SORCS3: variants seen among roughly 807,000 people sequenced by gnomAD.
SORCS3 encodes the protein VPS10 domain-containing receptor SorCS3.
SORCS3 carries 57 observed loss-of-function variants against 146.3 expected under a neutral mutation model. That is an observed-to-expected ratio of 0.39 (90% CI 0.31 to 0.49). The LOEUF (loss-of-function observed/expected upper bound fraction) is 0.49, where lower values mean the gene tolerates loss of function less well. SORCS3 is among the 20% of genes least tolerant of loss of function. The pLI is 0.92. For missense variants in SORCS3, 1,341 were observed against 1,575.5 expected, an observed-to-expected ratio of 0.85 and a Z score of 2.52; for synonymous variants, 653 against 618.5, an observed-to-expected ratio of 1.06 and a Z score of -0.83.
chr10:104,730,791 C>G (rs1024188169), intron 1 of SORCS3, among the ~76,000 whole-genome samples: 1 of 152,176 alleles, frequency 6.6e-6, no homozygotes, highest in African/African-American at 2.4e-5. Flanking sequence ...GGGGGAATCC[C>G]CCTATAAAAC....
At chr10:104,930,775 A>G (rs1248080817) in intron 3 of SORCS3, among the ~76,000 whole-genome samples, 1 of 152,198 alleles carries the variant, frequency 6.6e-6, no homozygotes, top group Non-Finnish European at 1.5e-5. Context: ...TCTACCTCTT[A>G]GCAGCTGGGG....
intron 1 of SORCS3, among the ~76,000 whole-genome samples, chr10:104,674,236 T>C (rs530384573): frequency 1.2e-4 from 19 of 152,368 alleles, no homozygotes; most frequent in African/African-American, 4.6e-4. Context: ...GGCCACTATA[T>C]GCAGCTCTAA....
At chr10:104,725,687 C>T (rs1033721388) in intron 1 of SORCS3, among the ~76,000 whole-genome samples, 2 of 152,232 alleles carry the variant, frequency 1.3e-5, no homozygotes, top group African/African-American at 4.8e-5. Context: ...GGGTGACCCT[C>T]CCCCAGCCTC....
intron 5 of SORCS3, among the ~76,000 whole-genome samples, chr10:105,063,749 C>T (rs1176125631): frequency 6.6e-6 from 1 of 152,196 alleles, no homozygotes; most frequent in African/African-American, 2.4e-5. Flanking sequence ...AGACACCAGC[C>T]ATGTCCCCTC....
chr10:105,053,847 T>G (rs1199384819), intron 5 of SORCS3, among the ~76,000 whole-genome samples: 1 of 152,064 alleles, frequency 6.6e-6, no homozygotes, highest in Non-Finnish European at 1.5e-5. Flanking sequence ...TTAGAAACAT[T>G]TAAGTAATTA....
intron 2 of SORCS3, among the ~76,000 whole-genome samples, chr10:104,886,946 T>C (rs1336577457): frequency 6.6e-6 from 1 of 152,192 alleles, no homozygotes; most frequent in Non-Finnish European, 1.5e-5. Flanking sequence ...TGCAGGAAAG[T>C]GTTCTAAAAG....
At chr10:105,006,098 C>T (rs1190870541) in intron 4 of SORCS3, among the ~76,000 whole-genome samples, 1 of 152,186 alleles carries the variant, frequency 6.6e-6, no homozygotes, top group Non-Finnish European at 1.5e-5. Context: ...CATGCCATCA[C>T]ACCCAGCTAA....
chr10:104,726,221 CA>C (rs2016631827), intron 1 of SORCS3, among the ~76,000 whole-genome samples: 1 of 152,208 alleles, frequency 6.6e-6, no homozygotes, highest in South Asian at 2.1e-4. Flanking sequence ...GAGCTCACGG[CA>C]TTGTGTTACT....
At chr10:104,784,015 G>A (rs2017404519) in intron 1 of SORCS3, among the ~76,000 whole-genome samples, 1 of 152,232 alleles carries the variant, frequency 6.6e-6, no homozygotes, top group Non-Finnish European at 1.5e-5. Context: ...GATTCACAAT[G>A]CACCTTGATC....
At chr10:104,983,866 G>A (rs538946966) in intron 4 of SORCS3, among the ~76,000 whole-genome samples, 2 of 152,070 alleles carry the variant, frequency 1.3e-5, no homozygotes, top group South Asian at 4.2e-4. Flanking sequence ...TGGTATGAAG[G>A]CACCTGGCCT....
chr10:105,208,350 A>G (rs1162477376), intron 16 of SORCS3, among the ~76,000 whole-genome samples: 1 of 150,804 alleles, frequency 6.6e-6, no homozygotes, highest in Non-Finnish European at 1.5e-5. Context: ...CAGAGAGGAA[A>G]AAAAAAAAAA....
intron 4 of SORCS3, among the ~76,000 whole-genome samples, chr10:104,987,428 C>G (rs2133659656): frequency 6.6e-6 from 1 of 151,994 alleles, no homozygotes; most frequent in Non-Finnish European, 1.5e-5. Flanking sequence ...TATGTTTATC[C>G]TAGTTATAAG....
chr10:104,867,508 A>G (rs558608410), intron 2 of SORCS3, among the ~76,000 whole-genome samples: 8 of 152,142 alleles, frequency 5.3e-5, no homozygotes, highest in African/African-American at 7.2e-5. Context: ...ACAGGGTTTC[A>G]TCATGTTAAC....
intron 4 of SORCS3, among the ~76,000 whole-genome samples, chr10:105,039,508 G>T (rs112524888): frequency 0.047 from 6,734 of 143,028 alleles, 177 homozygotes; most frequent in Middle Eastern, 0.085. Flanking sequence ...CCAGGCTGGA[G>T]TGCAGTGGTG....
At chr10:105,091,205 CTCCT>C (rs1245268097) in intron 6 of SORCS3, among the ~76,000 whole-genome samples, 8 of 126,424 alleles carry the variant, frequency 6.3e-5, no homozygotes, top group Admixed American at 4.0e-4. Flanking sequence ...CCTTCCTTCC[CTCCT>C]TCCTTCCTTC....
intron 1 of SORCS3, among the ~76,000 whole-genome samples, chr10:104,769,119 G>T (rs1019455277): frequency 1.4e-4 from 22 of 152,200 alleles, no homozygotes; most frequent in African/African-American, 4.8e-4. Flanking sequence ...TCAAAGAACT[G>T]CCAACTTACT....
intron 2 of SORCS3, among the ~76,000 whole-genome samples, chr10:104,870,243 A>G (rs1253861127): frequency 6.6e-6 from 1 of 152,218 alleles, no homozygotes; most frequent in Non-Finnish European, 1.5e-5. Context: ...GTGGTTTTAT[A>G]TATTGGTCCT....
At chr10:105,054,380 T>C (rs2055432511) in intron 5 of SORCS3, among the ~76,000 whole-genome samples, 1 of 151,828 alleles carries the variant, frequency 6.6e-6, no homozygotes, top group East Asian at 1.9e-4. Flanking sequence ...TGCAGCCTTA[T>C]TCAATCATAT....
chr10:104,738,462 T>C (rs1263079466), intron 1 of SORCS3, among the ~76,000 whole-genome samples: 1 of 152,192 alleles, frequency 6.6e-6, no homozygotes, highest in East Asian at 1.9e-4. Flanking sequence ...TACCTGGTAA[T>C]ATCAGAAGAT....
Sources: allele counts gnomAD v4.1 joint callset (sites outside exome capture counted in the v4.1 genomes callset), GRCh38; gene constraint gnomAD v4.1.1; transcripts MANE v1.5; gene names NCBI Gene and HGNC (gene_info 2026-07-23, HGNC 2026-07-21).